EFCAB11: variants seen among roughly 807,000 people sequenced by gnomAD.
The protein encoded by EFCAB11 is EF-hand calcium-binding domain-containing protein 11.
Under a neutral mutation model 23.0 loss-of-function variants are expected in EFCAB11, and 14 were observed. That is an observed-to-expected ratio of 0.61 (90% CI 0.40 to 0.95). The LOEUF (loss-of-function observed/expected upper bound fraction) is 0.95, where lower values mean the gene tolerates loss of function less well. EFCAB11 is among the 40% of genes least tolerant of loss of function. EFCAB11 has a pLI of 0.00. For missense variants in EFCAB11, 198 were observed against 195.8 expected, an observed-to-expected ratio of 1.01 and a Z score of -0.07; for synonymous variants, 65 against 66.6, an observed-to-expected ratio of 0.98 and a Z score of 0.11.
chr14:89,862,958 T>C (rs1887971301), intron 5 of EFCAB11, among the ~76,000 whole-genome samples: 1 of 152,236 alleles, frequency 6.6e-6, no homozygotes. Context: ...GCATTATTTC[T>C]TTCTACTCAT....
chr14:89,905,736 C>T (rs1407283050), intron 5 of EFCAB11, among the ~76,000 whole-genome samples: 2 of 152,022 alleles, frequency 1.3e-5, no homozygotes, highest in African/African-American at 2.4e-5. Context: ...CCTTGAGGAC[C>T]GAGTTATGGA....
At chr14:89,832,414 T>C (rs1029992900) in intron 5 of EFCAB11, among the ~76,000 whole-genome samples, 4 of 152,132 alleles carry the variant, frequency 2.6e-5, no homozygotes, top group Non-Finnish European at 4.4e-5. Context: ...TAAATGTGGA[T>C]GTCTTTAGGC....
intron 5 of EFCAB11, among the ~76,000 whole-genome samples, chr14:89,864,679 T>A (rs1888030957): frequency 1.3e-5 from 2 of 152,242 alleles, no homozygotes; most frequent in Non-Finnish European, 2.9e-5. Context: ...CCTCAAGTGA[T>A]CTGCCTGCCT....
At chr14:89,820,355 G>C (rs1308182690) in intron 5 of EFCAB11, among the ~76,000 whole-genome samples, 1 of 152,060 alleles carries the variant, frequency 6.6e-6, no homozygotes, top group African/African-American at 2.4e-5. Flanking sequence ...TTTAAATGCT[G>C]AATTCCCCAG....
At chr14:89,901,878 T>C (rs931381110) in intron 5 of EFCAB11, among the ~76,000 whole-genome samples, 1 of 152,112 alleles carries the variant, frequency 6.6e-6, no homozygotes, top group African/African-American at 2.4e-5. Flanking sequence ...ACAATGTTCA[T>C]TGGAATGTAT....
At position 89,919,118 on chromosome 14, in the gene EFCAB11, G is replaced by T. The variant is rs566697620; in HGVS notation, c.410+12423C>A. ...TCTGGGATCAAGGCCGGCACCAGGG[G>T]ATCTAAGCAAGAGGATCCAGGAAGG... On this transcript the variant is annotated intron_variant, in intron 5 of 5. Transcript: ENST00000316738. 4.6e-5 allele frequency among the ~76,000 whole-genome samples: 7 copies of T among 152,102 alleles called. No homozygotes were observed. In the South Asian group the frequency reaches 6.3e-4, roughly 14 times the overall value.
At chr14:89,949,999 A>G in intron 3 of EFCAB11, 98 bp downstream of exon 3, 1 of 1,319,420 alleles carries the variant, frequency 7.6e-7, no homozygotes, top group Non-Finnish European at 1.0e-6. Context: ...CCCTTCCACA[A>G]CACATAGGAA....
chr14:89,942,257 CAT>C (rs1230762213), intron 3 of EFCAB11, among the ~76,000 whole-genome samples: 1 of 152,102 alleles, frequency 6.6e-6, no homozygotes, highest in African/African-American at 2.4e-5. Context: ...ATCATAATAT[CAT>C]AGTTACATTA....
chr14:89,824,900 C>G (rs1886639536), intron 5 of EFCAB11, among the ~76,000 whole-genome samples: 1 of 151,698 alleles, frequency 6.6e-6, no homozygotes, highest in Non-Finnish European at 1.5e-5. Context: ...CAGACAAATC[C>G]ATTATCATAG....
At chr14:89,830,006 T>C (rs770148907) in intron 5 of EFCAB11, 1 of 152,172 alleles carries the variant, frequency 6.6e-6, no homozygotes, top group Admixed American at 6.5e-5. Context: ...TTAGATAAAA[T>C]TTTAAAATGA....
At chr14:89,869,334 A>T (rs1028615334) in intron 5 of EFCAB11, among the ~76,000 whole-genome samples, 1 of 152,242 alleles carries the variant, frequency 6.6e-6, no homozygotes, top group Non-Finnish European at 1.5e-5. Context: ...GCTGAAAAGT[A>T]GTAGCATGGA....
intron 5 of EFCAB11, among the ~76,000 whole-genome samples, chr14:89,846,010 C>G (rs916477940): frequency 6.6e-6 from 1 of 152,306 alleles, no homozygotes; most frequent in Middle Eastern, 3.4e-3. Flanking sequence ...CCATCATTTA[C>G]AAGCTGAGTG....
Position 89,875,563 on chromosome 14 carries a change from G to A in EFCAB11, c.410+55978C>T, listed in dbSNP as rs560650035. On this transcript the variant is annotated intron_variant, in intron 5 of 5. Coordinates refer to ENST00000316738, the MANE Select transcript of EFCAB11 (RefSeq NM_145231.4). ...TTATAAGTGGTCAAGAAAAGAGGTT[G>A]ATTTAGAGGTTCCAGTTATGGGTAA... Among the ~76,000 whole-genome samples, 11 of 152,330 alleles carry A rather than the reference G, an allele frequency of 7.2e-5. No homozygotes were observed. The East Asian group carries it at 2.1e-3, about 29-fold the overall frequency.
intron 5 of EFCAB11, among the ~76,000 whole-genome samples, chr14:89,836,245 T>C (rs572467195): frequency 2.6e-5 from 4 of 152,180 alleles, no homozygotes; most frequent in African/African-American, 9.6e-5. Flanking sequence ...GGGCCCTGCA[T>C]TTTAGAGGAC....
chr14:89,835,205 A>G (rs889840062), intron 5 of EFCAB11, among the ~76,000 whole-genome samples: 3 of 152,228 alleles, frequency 2.0e-5, no homozygotes, highest in African/African-American at 7.2e-5. Flanking sequence ...GAGAGAACAC[A>G]GCAGGATGCC....
intron 5 of EFCAB11, among the ~76,000 whole-genome samples, chr14:89,835,572 T>A (rs1293232177): frequency 7.3e-6 from 1 of 136,816 alleles, no homozygotes; most frequent in Non-Finnish European, 1.5e-5. Context: ...GATTTCAGAT[T>A]AGGGATGCTC....
At chr14:89,950,356 T>C (rs1891127744) in intron 2 of EFCAB11, among the ~76,000 whole-genome samples, 1 of 152,190 alleles carries the variant, frequency 6.6e-6, no homozygotes, top group African/African-American at 2.4e-5. Flanking sequence ...TAGTCCCTAA[T>C]AGCCCCCAAA....
At chr14:89,879,498 A>C (rs1037920940) in intron 5 of EFCAB11, among the ~76,000 whole-genome samples, 8 of 152,036 alleles carry the variant, frequency 5.3e-5, no homozygotes, top group South Asian at 2.1e-4. Flanking sequence ...AAGCTACACA[A>C]AAAAAAACAT....
At chr14:89,816,378 TA>T (rs1442226555) in intron 5 of EFCAB11, among the ~76,000 whole-genome samples, 1 of 152,176 alleles carries the variant, frequency 6.6e-6, no homozygotes. Flanking sequence ...AACATTTCCT[TA>T]AAAAGAAAGT....
Sources: allele counts gnomAD v4.1 joint callset (sites outside exome capture counted in the v4.1 genomes callset), GRCh38; gene constraint gnomAD v4.1.1; transcripts MANE v1.5; gene names NCBI Gene and HGNC (gene_info 2026-07-23, HGNC 2026-07-21).